Variants in TEX36 observed in about 807,000 individuals in gnomAD.
The protein encoded by TEX36 is testis expressed 36.
A neutral mutation model predicts 13.6 loss-of-function variants in TEX36; 12 were observed. The ratio of observed to expected loss-of-function variants is 0.88; its 90% CI spans 0.56 to 1.43. The LOEUF (loss-of-function observed/expected upper bound fraction) is 1.43. Ranked by LOEUF, TEX36 falls within the 40% of genes most tolerant of loss-of-function variation. TEX36 has a pLI of 0.00. For missense variants in TEX36, 224 were observed against 228.3 expected, an observed-to-expected ratio of 0.98 and a Z score of 0.12; for synonymous variants, 93 against 83.0, an observed-to-expected ratio of 1.12 and a Z score of -0.65.
At chr10:125,623,337 A>G (rs918883014) in intron 3 of TEX36, among the ~76,000 whole-genome samples, 1 of 152,132 alleles carries the variant, frequency 6.6e-6, no homozygotes, top group Non-Finnish European at 1.5e-5. Context: ...CTCCTAGTCC[A>G]CCAACTCAAA....
At chr10:125,587,524 A>G (rs991543839) in intron 3 of TEX36, among the ~76,000 whole-genome samples, 5 of 152,216 alleles carry the variant, frequency 3.3e-5, no homozygotes, top group African/African-American at 1.2e-4. Flanking sequence ...CCAGTGGCTC[A>G]CACCTGTAAT....
intron 3 of TEX36, among the ~76,000 whole-genome samples, chr10:125,577,311 A>G (rs1253977094): frequency 6.6e-6 from 1 of 152,186 alleles, no homozygotes; most frequent in Non-Finnish European, 1.5e-5. Flanking sequence ...AGCCTGGGAA[A>G]CATGGCGAAA....
chr10:125,669,341 A>T (rs565322804), intron 1 of TEX36, among the ~76,000 whole-genome samples: 10 of 150,796 alleles, frequency 6.6e-5, no homozygotes, highest in Admixed American at 6.6e-4. Context: ...TTAGCTGGGC[A>T]TGGTGGCAGG....
intron 3 of TEX36, among the ~76,000 whole-genome samples, chr10:125,648,804 GA>G (rs1016294134): frequency 1.9e-4 from 29 of 152,196 alleles, no homozygotes; most frequent in Admixed American, 1.9e-3. Flanking sequence ...AAACAGAGTA[GA>G]GAAGTCCTTA....
At chr10:125,651,683 A>G (rs112805735), downstream of TEX36, among the ~76,000 whole-genome samples, 5,184 of 152,264 alleles carry the variant, frequency 0.034, 271 homozygotes, top group African/African-American at 0.11. Context: ...AGGGTATTCA[A>G]TTAGGAAAAG....
chr10:125,658,779 A>C (rs970996779), intron 3 of TEX36, among the ~76,000 whole-genome samples: 2 of 152,110 alleles, frequency 1.3e-5, no homozygotes, highest in African/African-American at 4.8e-5. Flanking sequence ...TTTTTTAGGA[A>C]AGGGAAAAAT....
chr10:125,642,471 C>T (rs896958939), intron 3 of TEX36, among the ~76,000 whole-genome samples: 3 of 151,490 alleles, frequency 2.0e-5, no homozygotes, highest in East Asian at 1.9e-4. Context: ...ATGGAAACTA[C>T]GATGCTTACT....
At chr10:125,594,893 CCAA>C (rs1466069591) in intron 3 of TEX36, among the ~76,000 whole-genome samples, 2 of 152,092 alleles carry the variant, frequency 1.3e-5, no homozygotes, top group Non-Finnish European at 2.9e-5. Flanking sequence ...ATCCACAGAA[CCAA>C]CATTTGTTTT....
rs1367924743 is a variant in TEX36 at position 125,656,020 on chromosome 10, A to G, written c.441T>C (p.Tyr147=). 6.4e-7 allele frequency: 1 copy of G among 1,551,944 alleles called. No individual in the cohort carries two copies. Among genetic ancestry groups the G allele is most frequent in the African/African-American group, 1.4e-5 (1 of 73,146 alleles). The change falls in exon 4 of 4, where the codon TAT becomes TAC. Residue 147 remains tyrosine, a synonymous_variant. Transcript: ENST00000368821. Reference sequence around the variant, plus strand: ...ATGTAAAAGCGTTCCATATCTCTTTATAGCATCGTGGAAAGCGTCTGAAGC... The same window carrying G: ...ATGTAAAAGCGTTCCATATCTCTTTGTAGCATCGTGGAAAGCGTCTGAAGC... ...VSSFRRFPRC[Y]KEIWNAFTFL...
chr10:125,641,986 C>A (rs556209084), intron 3 of TEX36, among the ~76,000 whole-genome samples: 1 of 152,314 alleles, frequency 6.6e-6, no homozygotes, highest in South Asian at 2.1e-4. Flanking sequence ...TAAATATACC[C>A]TTCCCACTCA....
intron 3 of TEX36, among the ~76,000 whole-genome samples, chr10:125,636,322 C>A (rs1421169486): frequency 6.6e-5 from 10 of 151,456 alleles, no homozygotes; most frequent in African/African-American, 2.4e-4. Flanking sequence ...TCTCCTGCCT[C>A]AGCCTCCCGA....
At chr10:125,638,839 T>C (rs1197916470) in intron 3 of TEX36, among the ~76,000 whole-genome samples, 2 of 152,250 alleles carry the variant, frequency 1.3e-5, no homozygotes, top group African/African-American at 4.8e-5. Flanking sequence ...ACGTCACACA[T>C]CAGCATCACT....
At chr10:125,642,923 A>G (rs1022436334) in intron 3 of TEX36, among the ~76,000 whole-genome samples, 9 of 152,102 alleles carry the variant, frequency 5.9e-5, no homozygotes, top group African/African-American at 2.2e-4. Context: ...AGTGATCTCA[A>G]TTTTCTAAGT....
chr10:125,601,212 G>C, intron 3 of TEX36, among the ~76,000 whole-genome samples: 1 of 152,214 alleles, frequency 6.6e-6, no homozygotes, highest in Non-Finnish European at 1.5e-5. Context: ...TACAATGTTT[G>C]AGGAACTTTT....
At chr10:125,612,997 C>T (rs919888916) in intron 3 of TEX36, among the ~76,000 whole-genome samples, 1 of 151,958 alleles carries the variant, frequency 6.6e-6, no homozygotes, top group Non-Finnish European at 1.5e-5. Context: ...CAAAAGCCTG[C>T]TCTGGTCTCT....
intron 3 of TEX36, among the ~76,000 whole-genome samples, chr10:125,625,390 G>A (rs990971236): frequency 9.8e-5 from 15 of 152,348 alleles, no homozygotes; most frequent in Admixed American, 2.0e-4. Flanking sequence ...AAGGGTTTGA[G>A]TAGAAGACAG....
intron 3 of TEX36, among the ~76,000 whole-genome samples, chr10:125,607,382 T>C (rs1278316576): frequency 6.6e-6 from 1 of 152,256 alleles, no homozygotes; most frequent in Non-Finnish European, 1.5e-5. Flanking sequence ...TCAGGGATTA[T>C]GAAAGAGAAC....
At chr10:125,666,560 G>A (rs941981928) in intron 1 of TEX36, among the ~76,000 whole-genome samples, 13 of 152,074 alleles carry the variant, frequency 8.5e-5, no homozygotes, top group Admixed American at 3.3e-4. Flanking sequence ...ACTTGATCAC[G>A]GTATATTGTC....
At chr10:125,612,730 T>C (rs2133552624) in intron 3 of TEX36, among the ~76,000 whole-genome samples, 1 of 152,064 alleles carries the variant, frequency 6.6e-6, no homozygotes, top group African/African-American at 2.4e-5. Flanking sequence ...ATCTTACTTT[T>C]ACTAGTTACA....
Sources: allele counts gnomAD v4.1 joint callset (sites outside exome capture counted in the v4.1 genomes callset), GRCh38; gene constraint gnomAD v4.1.1; transcripts MANE v1.5; gene names NCBI Gene and HGNC (gene_info 2026-07-23, HGNC 2026-07-21).